FSHR: variants seen among roughly 807,000 people sequenced by gnomAD.
FSHR encodes follicle stimulating hormone receptor.
Under a neutral mutation model 52.1 loss-of-function variants are expected in FSHR, and 46 were observed. The ratio of observed to expected loss-of-function variants is 0.88; its 90% confidence interval spans 0.70 to 1.13. FSHR has a LOEUF of 1.13. Among genes scored for constraint, FSHR ranks in the 50% most tolerant of loss-of-function variants. FSHR has a pLI of 0.00. For missense variants in FSHR, 964 were observed against 834.6 expected, an observed-to-expected ratio of 1.16 and a Z score of -1.91; for synonymous variants, 399 against 309.6, an observed-to-expected ratio of 1.29 and a Z score of -3.03.
rs142228245 is a variant in FSHR, at chr2:49,127,978, T to C, written c.152+26288A>G. Among the ~76,000 whole-genome samples, 1,361 of 148,470 alleles carry C rather than the reference T, an allele frequency of 9.2e-3. 28 individuals are homozygous for C. Among genetic ancestry groups the C allele is most frequent in the African/African-American group, 0.032 (1,298 of 40,286 alleles). ...CGCAATCTCCACTCACCGCAACCTC[T>C]GCTTCCCAGGTTCAAGCAATTCTCA... On this transcript the variant is annotated intron_variant, in intron 1 of 9. Coordinates refer to ENST00000406846, the MANE Select transcript of FSHR (RefSeq NM_000145.4).
chr2:49,067,869 T>G (rs181700887), intron 2 of FSHR, among the ~76,000 whole-genome samples: 19 of 151,910 alleles, frequency 1.3e-4, no homozygotes, highest in African/African-American at 4.6e-4. Flanking sequence ...CAATTAAAAA[T>G]TAATCATAAA....
intron 1 of FSHR, among the ~76,000 whole-genome samples, chr2:49,072,091 A>T (rs1032687433): frequency 4.6e-5 from 7 of 152,156 alleles, no homozygotes; most frequent in Non-Finnish European, 1.0e-4. Context: ...TTACGAAGAA[A>T]ATTAGTATTA....
intron 1 of FSHR, among the ~76,000 whole-genome samples, chr2:49,086,372 C>G (rs1354531351): frequency 1.3e-5 from 2 of 152,144 alleles, no homozygotes; most frequent in Non-Finnish European, 2.9e-5. Context: ...TCACAATTAG[C>G]TATAATTGAG....
intron 2 of FSHR, among the ~76,000 whole-genome samples, chr2:49,024,122 T>G (rs528155873): frequency 6.6e-6 from 1 of 152,290 alleles, no homozygotes; most frequent in East Asian, 1.9e-4. Context: ...TGTTACTGAC[T>G]TATTGGATAC....
intron 1 of FSHR, among the ~76,000 whole-genome samples, chr2:49,084,203 G>A (rs1317266313): frequency 2.0e-5 from 3 of 151,100 alleles, no homozygotes; most frequent in South Asian, 2.1e-4. Flanking sequence ...ACTCAAAACC[G>A]CTCAACTACA....
chr2:49,017,069 A>T (rs1667515344), intron 4 of FSHR, among the ~76,000 whole-genome samples: 1 of 152,232 alleles, frequency 6.6e-6, no homozygotes, highest in African/African-American at 2.4e-5. Context: ...ACGAAAACAT[A>T]CAAAATAAAC....
chr2:49,110,796 T>G (rs1671397104), intron 1 of FSHR, among the ~76,000 whole-genome samples: 1 of 152,156 alleles, frequency 6.6e-6, no homozygotes, highest in African/African-American at 2.4e-5. Context: ...GCCCCCTTGT[T>G]CCTGCTGGGG....
intron 1 of FSHR, among the ~76,000 whole-genome samples, chr2:49,078,067 A>G (rs1424117663): frequency 6.6e-6 from 1 of 152,088 alleles, no homozygotes; most frequent in African/African-American, 2.4e-5. Context: ...GCCCCACTCT[A>G]CTGGTACAAA....
intron 8 of FSHR, among the ~76,000 whole-genome samples, chr2:48,973,276 ATG>A (rs1674827793): frequency 6.6e-6 from 1 of 151,982 alleles, no homozygotes; most frequent in Non-Finnish European, 1.5e-5. Flanking sequence ...ACACATGCAC[ATG>A]CAAATGCACA....
chr2:48,967,846 G>C (rs1674547125), intron 9 of FSHR, among the ~76,000 whole-genome samples: 1 of 152,202 alleles, frequency 6.6e-6, no homozygotes, highest in Admixed American at 6.5e-5. Context: ...TCATAGGAAA[G>C]CTGTATTAGT....
chr2:49,052,486 G>C (rs1463283581), intron 2 of FSHR, among the ~76,000 whole-genome samples: 1 of 152,146 alleles, frequency 6.6e-6, no homozygotes, highest in Non-Finnish European at 1.5e-5. Context: ...AATGATTAAT[G>C]CTTAGACCTC....
chr2:49,144,695 C>T (rs549376839), intron 1 of FSHR, among the ~76,000 whole-genome samples: 1 of 152,248 alleles, frequency 6.6e-6, no homozygotes, highest in African/African-American at 2.4e-5. Flanking sequence ...AACAGCAATT[C>T]AATGAAGGTT....
At chr2:49,092,835 T>G (rs1271280382) in intron 1 of FSHR, among the ~76,000 whole-genome samples, 1 of 152,058 alleles carries the variant, frequency 6.6e-6, no homozygotes, top group Non-Finnish European at 1.5e-5. Flanking sequence ...GCAGCTATTT[T>G]TTCTATTTTT....
intron 1 of FSHR, among the ~76,000 whole-genome samples, chr2:49,077,586 A>G (rs1669995707): frequency 6.6e-6 from 1 of 152,144 alleles, no homozygotes; most frequent in Admixed American, 6.5e-5. Context: ...CAGCTTGACT[A>G]TTTCCTCAGA....
intron 1 of FSHR, among the ~76,000 whole-genome samples, chr2:49,141,212 T>G (rs1672673668): frequency 6.6e-6 from 1 of 152,094 alleles, no homozygotes; most frequent in South Asian, 2.1e-4. Flanking sequence ...TCTTTCTCTC[T>G]CCTCATGGAG....
chr2:49,134,217 T>C (rs1672402156), intron 1 of FSHR, among the ~76,000 whole-genome samples: 1 of 152,018 alleles, frequency 6.6e-6, no homozygotes, highest in Non-Finnish European at 1.5e-5. Flanking sequence ...TAAACAAATT[T>C]ACAAGAAAAA....
At chr2:49,108,177 G>T (rs554904092) in intron 1 of FSHR, among the ~76,000 whole-genome samples, 1 of 152,004 alleles carries the variant, frequency 6.6e-6, no homozygotes, top group Non-Finnish European at 1.5e-5. Context: ...TGAGACACTG[G>T]TCTTCTCTTA....
chr2:49,051,326 G>A (rs542568627), intron 2 of FSHR, among the ~76,000 whole-genome samples: 9 of 152,250 alleles, frequency 5.9e-5, no homozygotes, highest in South Asian at 2.1e-4. Context: ...AGTTCCAGTT[G>A]CTTCACAGCC....
chr2:48,983,982 C>T (rs1276400971), intron 6 of FSHR, among the ~76,000 whole-genome samples: 2 of 152,104 alleles, frequency 1.3e-5, no homozygotes, highest in African/African-American at 4.8e-5. Context: ...AAAACAGATA[C>T]CAAGGTCAGG....
Sources: gnomAD v4.1 joint callset for allele counts (sites outside exome capture counted in the v4.1 genomes callset) on GRCh38, gnomAD v4.1.1 for gene constraint, MANE v1.5 for transcripts, NCBI Gene and HGNC (gene_info 2026-07-23, HGNC 2026-07-21) for gene names.